Variants in KCNF1 observed in about 807,000 individuals in gnomAD.
The protein encoded by KCNF1 is voltage-gated potassium channel regulatory subunit KCNF1.
Under a neutral mutation model 28.6 loss-of-function variants are expected in KCNF1, and 9 were observed. That is an observed-to-expected ratio of 0.31 (90% CI 0.19 to 0.55). The LOEUF is 0.55. Among genes scored for constraint, KCNF1 ranks in the 20% least tolerant of loss-of-function variants. The pLI is 0.93. For missense variants in KCNF1, 461 were observed against 684.2 expected (o/e 0.67, Z 3.64); for synonymous variants, 328 against 299.6 (o/e 1.09, Z -0.98).
At position 10,913,230 on chromosome 2, in the gene KCNF1, G is replaced by A. The variant is rs1661570453; in HGVS notation, c.804G>A (p.Val268=). The A allele has an allele frequency of 1.9e-6, 3 of 1,613,474 alleles. No homozygotes were observed. The highest frequency in any genetic ancestry group is 2.5e-6 in the Non-Finnish European group (3 of 1,180,032). ...VDVLAILPFY[V]SLTLTHLGAR... ...TGCTGGCCATCCTCCCCTTCTACGT[G>A]AGCCTCACGCTCACGCACCTGGGTG... The change falls in exon 1 of 1, where the codon GTG becomes GTA. Residue 268 remains valine, a synonymous_variant. Coordinates refer to ENST00000295082, the MANE Select transcript of KCNF1 (RefSeq NM_002236.5). This position sits in a 1 kb window ranked among gnomAD's most constrained non-coding sequence, Gnocchi z 5.5.
In KCNF1 at chr2:10,914,114, G is replaced by T. The variant is rs1572752609; in HGVS notation, c.*203G>T. 3.6e-6 allele frequency: 2 copies of T among 556,746 alleles called. No individual in the cohort carries two copies. Among genetic ancestry groups the T allele is most frequent in the Admixed American group, 7.5e-5 (2 of 26,566 alleles). The allele number at this position is 556,746 out of a possible 1,614,324, so 34.5% of individuals were successfully genotyped here. A position where few individuals can be genotyped will look rare whatever the true frequency, so the allele number is the denominator to read the frequency against. On this transcript the variant is annotated 3_prime_UTR_variant, in exon 1 of 1. Transcript: ENST00000295082. Reference sequence around the variant, plus strand: ...GCTGTCCAGGAGCCCGGGAGGGAGGGGTGTGCAGGAGCCGCAGGGCCGTGT... The same window carrying T: ...GCTGTCCAGGAGCCCGGGAGGGAGGTGTGTGCAGGAGCCGCAGGGCCGTGT...
At position 10,913,458 on chromosome 2, in the gene KCNF1, C is replaced by A; in HGVS notation, c.1032C>A (p.Thr344=). The stretch of plus-strand genomic sequence containing the variant: ...TCGTCTTCTCTGCCCTGGGCTACAC[C>A]ATGGAGCAGAGCCATCCAGAGACCC... ...GIFVFSALGY[T]MEQSHPETLF... The change falls in exon 1 of 1, where the codon ACC becomes ACA. Residue 344 remains threonine, a synonymous_variant. Coordinates refer to ENST00000295082, the MANE Select transcript of KCNF1 (RefSeq NM_002236.5). This position sits in a 1 kb window ranked among gnomAD's most constrained non-coding sequence, Gnocchi z 5.5. The A allele has an allele frequency of 6.2e-7, 1 of 1,614,178 alleles. No individual in the cohort carries two copies. Among genetic ancestry groups the A allele is most frequent in the East Asian group, 2.2e-5 (1 of 44,870 alleles).
rs947352277 is a variant in KCNF1, at chr2:10,912,479, C to T, written c.53C>T (p.Ala18Val). 6.6e-7 allele frequency: 1 copy of T among 1,519,362 alleles called. No individual in the cohort carries two copies. The highest frequency in any genetic ancestry group is 8.8e-7 in the Non-Finnish European group (1 of 1,135,104). The allele number at this position is 1,519,362 out of a possible 1,614,324, so 94.1% of individuals were successfully genotyped here. A position where few individuals can be genotyped will look rare whatever the true frequency, so the allele number is the denominator to read the frequency against. ...CCGGAGCCGGGCAGCCAGAGCTCCGCTGCCAGCGACGACATAGAGATAGTC... is the reference window on the plus strand; with the variant it reads ...CCGGAGCCGGGCAGCCAGAGCTCCGTTGCCAGCGACGACATAGAGATAGTC... ...SLPEPGSQSS[A>V]ASDDIEIVVN... Residue 18 changes from alanine to valine, a missense_variant, in exon 1 of 1, where the codon GCT becomes GTT. Physicochemically the swap from Ala to Val is moderately conservative, Grantham distance 64. Coordinates refer to ENST00000295082, the MANE Select transcript of KCNF1 (RefSeq NM_002236.5). This position sits in a 1 kb window ranked among gnomAD's most constrained non-coding sequence, Gnocchi z 7.9.
Position 10,913,286 on chromosome 2 carries a change from A to G in KCNF1, c.860A>G (p.Gln287Arg), listed in dbSNP as rs371877225. ...ATGATGGAGCTGACCAACGTGCAGC[A>G]GGCCGTGCAGGCGCTGCGGATCATG... ...ARMMELTNVQ[Q>R]AVQALRIMRI... Residue 287 changes from glutamine to arginine, a missense_variant, in exon 1 of 1, where the codon CAG becomes CGG. By Grantham distance (43) the Gln-to-Arg change is conservative (BLOSUM62 1). Transcript: ENST00000295082. The surrounding 1 kb of genome is among the most constrained non-coding windows in gnomAD (Gnocchi z 5.5). The G allele has an allele frequency of 6.2e-6, 10 of 1,613,250 alleles. No homozygotes were observed. Among genetic ancestry groups the G allele is most frequent in the Non-Finnish European group, 8.5e-6 (10 of 1,179,966 alleles).
chr2:10,913,410 C>G lies in KCNF1; in HGVS notation c.984C>G (p.Leu328=). 6.2e-7 allele frequency: 1 copy of G among 1,614,152 alleles called. No homozygotes were observed. Among genetic ancestry groups the G allele is most frequent in the Non-Finnish European group, 8.5e-7 (1 of 1,180,000 alleles). The change falls in exon 1 of 1, where the codon CTC becomes CTG. Residue 328 remains leucine, a synonymous_variant. Transcript: ENST00000295082. The surrounding 1 kb of genome is among the most constrained non-coding windows in gnomAD (Gnocchi z 5.5). The part of the protein sequence containing the change: ...KRSFKELGLL[L]MYLAVGIFVF... ...GCTTCAAGGAACTGGGGCTGCTGCT[C>G]ATGTACCTGGCAGTGGGTATCTTCG...
At position 10,912,783 on chromosome 2, in the gene KCNF1, C is replaced by T; in HGVS notation, c.357C>T (p.Asp119=). 6.2e-7 allele frequency: 1 copy of T among 1,614,034 alleles called. No homozygotes were observed. Among genetic ancestry groups the T allele is most frequent in the Non-Finnish European group, 8.5e-7 (1 of 1,180,032 alleles). Residue 119 remains aspartate, a synonymous_variant, in exon 1 of 1, where the codon GAC becomes GAT. Coordinates refer to ENST00000295082, the MANE Select transcript of KCNF1 (RefSeq NM_002236.5). The surrounding 1 kb of genome is among the most constrained non-coding windows in gnomAD (Gnocchi z 7.9). ...ACGAGATGGACTTCTGGAAGGTGGA[C>T]CTCAAGTTCCTGGACGACTGTTGCA... ...FKNEMDFWKV[D]LKFLDDCCKS...
rs778258235 is a variant in KCNF1, at chr2:10,913,128, C to G, written c.702C>G (p.Thr234=). 2 of 1,612,236 alleles carry G rather than the reference C, an allele frequency of 1.2e-6. No homozygotes were observed. The highest frequency in any genetic ancestry group is 1.7e-6 in the Non-Finnish European group (2 of 1,180,036). The change falls in exon 1 of 1, where the codon ACC becomes ACG. Residue 234 remains threonine (T), a synonymous_variant. Transcript: ENST00000295082. The surrounding 1 kb of genome is among the most constrained non-coding windows in gnomAD (Gnocchi z 5.5). ...AGACGGCGTGCATTGGCTGGTTCAC[C>G]CTGGAGTACCTGCTGCGCCTCTTCT... ...NVETACIGWF[T]LEYLLRLFSS... is the part of the protein sequence containing the mutation.
In KCNF1 at chr2:10,913,003, C is replaced by G; in HGVS notation, c.577C>G (p.Leu193Val). Residue 193 changes from leucine to valine, a missense_variant, in exon 1 of 1, where the codon CTC (leucine) becomes GTC (valine). By Grantham distance (32) the Leu-to-Val change is conservative. Transcript: ENST00000295082. The surrounding 1 kb of genome is among the most constrained non-coding windows in gnomAD (Gnocchi z 5.5). ...GGCCGTGCTCTCCTTCCTGCTCATC[C>G]TCGTCTCGTCCGTGGTCATGTGCAT... The part of the protein sequence containing the change: ...VVAVLSFLLI[L>V]VSSVVMCMGT... 6.2e-7 allele frequency: 1 copy of G among 1,602,902 alleles called. No individual in the cohort carries two copies. The highest frequency in any genetic ancestry group is 8.5e-7 in the Non-Finnish European group (1 of 1,179,886).
rs759631101 is a variant in KCNF1 at position 10,913,017 on chromosome 2, G to A, written c.591G>A (p.Val197=). ...LSFLLILVSS[V]VMCMGTIPEL... ...TCCTGCTCATCCTCGTCTCGTCCGT[G>A]GTCATGTGCATGGGCACCATCCCCG... The change falls in exon 1 of 1, where the codon GTG becomes GTA. Residue 197 remains valine (V), a synonymous_variant. Coordinates refer to ENST00000295082, the MANE Select transcript of KCNF1 (RefSeq NM_002236.5). This position sits in a 1 kb window ranked among gnomAD's most constrained non-coding sequence, Gnocchi z 5.5. 1.2e-6 allele frequency: 2 copies of A among 1,603,168 alleles called. No homozygotes were observed. The highest frequency in any genetic ancestry group is 2.2e-5 in the East Asian group (1 of 44,882).
rs1363352335 is a variant in KCNF1 at position 10,913,259 on chromosome 2, G to T, written c.833G>T (p.Arg278Leu). 6.2e-7 allele frequency: 1 copy of T among 1,613,370 alleles called. No homozygotes were observed. Among genetic ancestry groups the T allele is most frequent in the East Asian group, 2.2e-5 (1 of 44,868 alleles). The change falls in exon 1 of 1, where the codon CGC (arginine) becomes CTC (leucine). Residue 278 changes from arginine to leucine, a missense_variant. Around this residue, in one of 4 missense-constraint regions of KCNF1, gnomAD observed 115 missense variants for 261.6 expected, o/e 0.44. Transcript: ENST00000295082. The surrounding 1 kb of genome is among the most constrained non-coding windows in gnomAD (Gnocchi z 5.5). ...CTCACGCTCACGCACCTGGGTGCCC[G>T]CATGATGGAGCTGACCAACGTGCAG... ...VSLTLTHLGA[R>L]MMELTNVQQA...
rs1661572915 is a variant in KCNF1 at position 10,913,350 on chromosome 2, G to C, written c.924G>C (p.Ser308=). ...ARIFKLARHS[S]GLQTLTYALK... ...TCTTCAAGCTGGCCCGCCACTCCTC[G>C]GGCCTGCAGACCCTCACCTATGCCC... The change falls in exon 1 of 1, where the codon TCG becomes TCC. Residue 308 remains serine (S), a synonymous_variant. Transcript: ENST00000295082. The surrounding 1 kb of genome is among the most constrained non-coding windows in gnomAD (Gnocchi z 5.5). 4 of 1,613,840 alleles carry C rather than the reference G, an allele frequency of 2.5e-6. No individual in the cohort carries two copies. In the South Asian group the frequency reaches 4.4e-5, roughly 18 times the overall value.
In KCNF1 at chr2:10,913,677, C is replaced by G; in HGVS notation, c.1251C>G (p.Arg417=). 6.2e-7 allele frequency: 1 copy of G among 1,613,812 alleles called. No individual in the cohort carries two copies. The highest frequency in any genetic ancestry group is 1.1e-5 in the South Asian group (1 of 91,084). ...NNFVRYYNKQ[R]VLETAAKHEL... is the part of the protein sequence containing the mutation. ...TTGTCAGGTACTACAACAAGCAGCG[C>G]GTCCTGGAGACCGCGGCCAAGCACG... Residue 417 remains arginine (R), a synonymous_variant, in exon 1 of 1, where the codon CGC becomes CGG. Transcript: ENST00000295082. The surrounding 1 kb of genome is among the most constrained non-coding windows in gnomAD (Gnocchi z 5.5).
In KCNF1 at chr2:10,913,044, G is replaced by T; in HGVS notation, c.618G>T (p.Glu206Asp). Residue 206 changes from glutamate (E) to aspartate (D), a missense_variant, in exon 1 of 1, where the codon GAG becomes GAT. By Grantham distance (45) the Glu-to-Asp change is conservative. Around this residue, in one of 4 missense-constraint regions of KCNF1, gnomAD observed 193 missense variants for 280.6 expected, o/e 0.69. Transcript: ENST00000295082. The surrounding 1 kb of genome is among the most constrained non-coding windows in gnomAD (Gnocchi z 5.5). ...TCATGTGCATGGGCACCATCCCCGAGCTGCAGGTGCTGGACGCCGAGGGCA... is the reference window on the plus strand; with the variant it reads ...TCATGTGCATGGGCACCATCCCCGATCTGCAGGTGCTGGACGCCGAGGGCA... The part of the protein sequence containing the change: ...SVVMCMGTIP[E>D]LQVLDAEGNR... 2 of 1,604,188 alleles carry T rather than the reference G, an allele frequency of 1.2e-6. No individual in the cohort carries two copies. Among genetic ancestry groups the T allele is most frequent in the Non-Finnish European group, 1.7e-6 (2 of 1,179,960 alleles).
rs1028121248 is a variant in KCNF1 at position 10,912,289 on chromosome 2, C to T, written c.-138C>T. On this transcript the variant is annotated 5_prime_UTR_variant, in exon 1 of 1. Coordinates refer to ENST00000295082, the MANE Select transcript of KCNF1 (RefSeq NM_002236.5). This position sits in a 1 kb window ranked among gnomAD's most constrained non-coding sequence, Gnocchi z 7.9. ...CGCAGGCTGCTGCCCGCTGTGACCG[C>T]CCTTCCCCGCAGGCGGGCGCCGGCC... The T allele has an allele frequency of 5.3e-6, 3 of 566,852 alleles. No homozygotes were observed. The highest frequency in any genetic ancestry group is 2.0e-5 in the African/African-American group (1 of 49,960). The allele number at this position is 566,852 out of a possible 1,614,324, so 35.1% of individuals were successfully genotyped here.
Position 10,913,168 on chromosome 2 carries a change from C to T in KCNF1, c.742C>T (p.Leu248=). ...LLRLFSSPNK[L]HFALSFMNIV... ...GCGCCTCTTCTCGTCACCCAACAAG[C>T]TGCACTTCGCGCTGTCCTTCATGAA... is the stretch of plus-strand genomic sequence containing the variant. The change falls in exon 1 of 1, where the codon CTG becomes TTG. Residue 248 remains leucine, a synonymous_variant. Coordinates refer to ENST00000295082, the MANE Select transcript of KCNF1 (RefSeq NM_002236.5). The surrounding 1 kb of genome is among the most constrained non-coding windows in gnomAD (Gnocchi z 5.5). 6.2e-7 allele frequency: 1 copy of T among 1,613,356 alleles called. No homozygotes were observed. The highest frequency in any genetic ancestry group is 8.5e-7 in the Non-Finnish European group (1 of 1,180,034).
Position 10,912,957 on chromosome 2 carries a change from G to A in KCNF1, c.531G>A (p.Ser177=), listed in dbSNP as rs760480871. 4 of 1,604,584 alleles carry A rather than the reference G, an allele frequency of 2.5e-6. No individual in the cohort carries two copies. Among genetic ancestry groups the A allele is most frequent in the Non-Finnish European group, 3.4e-6 (4 of 1,179,792 alleles). Reference sequence around the variant, plus strand: ...GGAAGTTCCTGGAGAAGCCCGAGTCGTCGTGCCCGGCGCGGGTGGTGGCCG... The same window carrying A: ...GGAAGTTCCTGGAGAAGCCCGAGTCATCGTGCCCGGCGCGGGTGGTGGCCG... ...CVWKFLEKPE[S]SCPARVVAVL... Residue 177 remains serine, a synonymous_variant, in exon 1 of 1, where the codon TCG becomes TCA. Transcript: ENST00000295082. This position sits in a 1 kb window ranked among gnomAD's most constrained non-coding sequence, Gnocchi z 7.9.
At position 10,914,053 on chromosome 2, in the gene KCNF1, T is replaced by A; in HGVS notation, c.*142T>A. On this transcript the variant is annotated 3_prime_UTR_variant, in exon 1 of 1. Transcript: ENST00000295082. Reference sequence around the variant, plus strand: ...AGACTCTGAAGGCCCTCCCGGCACCTCTGCCAAGGCTGGGTAAGACTCCTC... The same window carrying A: ...AGACTCTGAAGGCCCTCCCGGCACCACTGCCAAGGCTGGGTAAGACTCCTC... 1.0e-6 allele frequency: 1 copy of A among 972,338 alleles called. No individual in the cohort carries two copies. Among genetic ancestry groups the A allele is most frequent in the Non-Finnish European group, 1.4e-6 (1 of 689,682 alleles). 60.2% of individuals were successfully genotyped at this position (972,338 alleles called of 1,614,324 possible).
chr2:10,912,398 C>A lies in KCNF1; in HGVS notation c.-29C>A. On this transcript the variant is annotated 5_prime_UTR_variant, in exon 1 of 1. Transcript: ENST00000295082. This position sits in a 1 kb window ranked among gnomAD's most constrained non-coding sequence, Gnocchi z 7.9. ...GGCGGCGGCTGCAGGGGGCGCGGGG[C>A]GGAGGCTGCGAGGGCGCGCGCGGGG... 8.1e-7 allele frequency: 1 copy of A among 1,241,878 alleles called. No individual in the cohort carries two copies. Among genetic ancestry groups the A allele is most frequent in the Non-Finnish European group, 1.0e-6 (1 of 994,986 alleles). The allele number at this position is 1,241,878 out of a possible 1,614,324, so 76.9% of individuals were successfully genotyped here. A position where few individuals can be genotyped will look rare whatever the true frequency, so the allele number is the denominator to read the frequency against.
Position 10,912,639 on chromosome 2 carries a change from C to A in KCNF1, c.213C>A (p.Asp71Glu). The change falls in exon 1 of 1, where the codon GAC becomes GAA. Residue 71 changes from aspartate to glutamate, a missense_variant. This residue lies in a region of KCNF1 where 193 missense variants were observed against 280.6 expected (regional missense o/e 0.69). Coordinates refer to ENST00000295082, the MANE Select transcript of KCNF1 (RefSeq NM_002236.5). The surrounding 1 kb of genome is among the most constrained non-coding windows in gnomAD (Gnocchi z 7.9). ...DTIFSLCDDY[D>E]PGKREFYFDR... Reference sequence around the variant, plus strand: ...TCTTCTCCCTGTGCGACGACTACGACCCCGGCAAGCGCGAGTTCTACTTTG... The same window carrying A: ...TCTTCTCCCTGTGCGACGACTACGAACCCGGCAAGCGCGAGTTCTACTTTG... 5 of 1,613,902 alleles carry A rather than the reference C, an allele frequency of 3.1e-6. No homozygotes were observed. Among genetic ancestry groups the A allele is most frequent in the East Asian group, 2.2e-5 (1 of 44,834 alleles).
Sources: gnomAD v4.1 joint callset for allele counts on GRCh38, gnomAD v4.1.1 for gene constraint, gnomAD v4.1.1 regional missense constraint, Gnocchi (gnomAD v3.1) non-coding constraint, MANE v1.5 for transcripts, NCBI Gene and HGNC (gene_info 2026-07-23, HGNC 2026-07-21) for gene names.